Variants in ZNF100 observed in about 807,000 individuals in gnomAD.
ZNF100 encodes the protein zinc finger protein 100 (Y1).
A neutral mutation model predicts 15.8 loss-of-function variants in ZNF100; 12 were observed. That is an observed-to-expected ratio of 0.76 (90% CI 0.49 to 1.23). The LOEUF (loss-of-function observed/expected upper bound fraction) is 1.23. Among genes scored for constraint, ZNF100 ranks in the 50% most tolerant of loss-of-function variants. ZNF100 has a pLI of 0.00. For synonymous variants in ZNF100, 226 were observed against 214.8 expected (o/e 1.05, Z -0.45); for missense variants, 670 against 635.6 (o/e 1.05, Z -0.58).
At chr19:21,730,658 A>C (rs1019635258) in intron 4 of ZNF100, among the ~76,000 whole-genome samples, 3 of 146,402 alleles carry the variant, frequency 2.0e-5, no homozygotes, top group African/African-American at 7.5e-5. Flanking sequence ...ATTATTTCTA[A>C]CAGAGGTATA....
chr19:21,745,033 A>C lies in ZNF100; in HGVS notation c.131T>G (p.Phe44Cys). 1 of 1,613,222 alleles carries C rather than the reference A, an allele frequency of 6.2e-7. No individual in the cohort carries two copies. Among genetic ancestry groups the C allele is most frequent in the Non-Finnish European group, 8.5e-7 (1 of 1,179,868 alleles). The change falls in exon 3 of 5, where the codon TTC becomes TGC. Residue 44 changes from phenylalanine to cysteine, a missense_variant. Physicochemically the swap from Phe to Cys is radical, Grantham distance 205. Coordinates refer to ENST00000358296, the MANE Select transcript of ZNF100 (RefSeq NM_173531.4). Reference protein sequence around the residue: ...PLTFRDVAIEFSLEEWQCLDS... With the variant: ...PLTFRDVAIECSLEEWQCLDS... ...CAGGCATTGCCACTCCTCCAGAGAG[A>C]ATTCTATGGCCACATCCCTAAACGT...
At chr19:21,731,059 A>G (rs1318905484) in intron 4 of ZNF100, among the ~76,000 whole-genome samples, 1 of 150,598 alleles carries the variant, frequency 6.6e-6, no homozygotes, top group Non-Finnish European at 1.5e-5. Context: ...AAAGTACCCA[A>G]GAGTCTTCAA....
intron 2 of ZNF100, among the ~76,000 whole-genome samples, chr19:21,749,280 G>A (rs1420336072): frequency 3.4e-5 from 5 of 148,822 alleles, no homozygotes; most frequent in African/African-American, 1.3e-4. Flanking sequence ...TCTCTTGTAT[G>A]AGTATGAAGG....
At chr19:21,763,593 G>A (rs1360337706) in intron 2 of ZNF100, among the ~76,000 whole-genome samples, 2 of 152,036 alleles carry the variant, frequency 1.3e-5, no homozygotes, top group South Asian at 2.1e-4. Context: ...CATCCCGGGG[G>A]GAAAAAAATC....
chr19:21,751,503 C>A, intron 2 of ZNF100: 2 of 1,057,828 alleles, frequency 1.9e-6, no homozygotes, highest in Non-Finnish European at 3.0e-6. Context: ...AGGCTTTTAA[C>A]TTATGCTGAA....
At chr19:21,741,731 A>C (rs1486548127) in intron 4 of ZNF100, among the ~76,000 whole-genome samples, 1 of 151,820 alleles carries the variant, frequency 6.6e-6, no homozygotes, top group Admixed American at 6.6e-5. Context: ...GCTGGAGTGC[A>C]GTGGCACAAT....
rs781128295 is a variant in ZNF100, at chr19:21,745,021, T to C, written c.143A>G (p.Glu48Gly). The C allele has an allele frequency of 2.7e-5, 44 of 1,612,978 alleles. No homozygotes were observed. The highest frequency in any genetic ancestry group is 3.6e-5 in the Non-Finnish European group (42 of 1,179,858). Residue 48 changes from glutamate to glycine, a missense_variant, in exon 3 of 5, where the codon GAG (glutamate) becomes GGG (glycine). By Grantham distance (98) the Glu-to-Gly change is moderately conservative. Transcript: ENST00000358296. ...RDVAIEFSLE[E>G]WQCLDSAQQG... is the part of the protein sequence containing the mutation. ...CTGAGCACTGTCCAGGCATTGCCAC[T>C]CCTCCAGAGAGAATTCTATGGCCAC...
chr19:21,727,150 G>A lies in ZNF100; in HGVS notation c.1162C>T (p.Leu388Phe), dbSNP rs1041071755. Residue 388 changes from leucine to phenylalanine, a missense_variant, in exon 5 of 5, where the codon CTT becomes TTT. Coordinates refer to ENST00000358296, the MANE Select transcript of ZNF100 (RefSeq NM_173531.4). ...GTATGACTTGTCTTATGTTTAGTAA[G>A]GTATGAGAATCGGTAAAAAGCTTTG... is the stretch of plus-strand genomic sequence containing the variant. ...CGKAFYRFSY[L>F]TKHKTSHTGE... The A allele has an allele frequency of 6.2e-7, 1 of 1,611,772 alleles. No homozygotes were observed. Among genetic ancestry groups the A allele is most frequent in the Non-Finnish European group, 8.5e-7 (1 of 1,178,348 alleles).
At chr19:21,744,152 T>C in intron 3 of ZNF100, 37 bp from the exon 4 acceptor site, 1 of 1,556,608 alleles carries the variant, frequency 6.4e-7, no homozygotes, top group Non-Finnish European at 8.7e-7. Context: ...CTTTCTCATA[T>C]TCTCCAATTA....
chr19:21,765,777 T>A lies in ZNF100; in HGVS notation c.13A>T (p.Arg5Trp), dbSNP rs768166189. Reference sequence around the variant, plus strand: ...CCCTTGAGAGGACACATTCCATACCTCGGGTCATCCTACGGGAGAAAATAA... The same window carrying A: ...CCCTTGAGAGGACACATTCCATACCACGGGTCATCCTACGGGAGAAAATAA... MDDP[R>W]YGMCPLKGAS... Residue 5 changes from arginine (R) to tryptophan (W), a missense_variant, in exon 2 of 5, where the codon AGG (arginine) becomes TGG (tryptophan). Arg to Trp is a moderately radical substitution (Grantham distance 101, BLOSUM62 -3). Transcript: ENST00000358296. The A allele has an allele frequency of 1.2e-6, 2 of 1,614,020 alleles. No individual in the cohort carries two copies. The highest frequency in any genetic ancestry group is 1.1e-5 in the South Asian group (1 of 91,070).
At chr19:21,751,500 T>G (rs1383401883) in intron 2 of ZNF100, 2 of 1,045,778 alleles carry the variant, frequency 1.9e-6, no homozygotes, top group Non-Finnish European at 3.0e-6. Flanking sequence ...GAAAGGCTTT[T>G]AACTTATGCT....
At chr19:21,729,083 C>T (rs796404312) in intron 4 of ZNF100, among the ~76,000 whole-genome samples, 1 of 150,906 alleles carries the variant, frequency 6.6e-6, no homozygotes, top group Non-Finnish European at 1.5e-5. Flanking sequence ...TCAAAAGTCA[C>T]AGACAAGAGA....
rs776015422 is a variant in ZNF100 at position 21,727,880 on chromosome 19, CTG to C, written c.430_431del (p.Gln144ValfsTer6). 3.1e-6 allele frequency: 5 copies of C among 1,609,192 alleles called. No individual in the cohort carries two copies. The highest frequency in any genetic ancestry group is 4.2e-6 in the Non-Finnish European group (5 of 1,178,580). On this transcript the variant is annotated frameshift_variant, in exon 5 of 5. Coordinates refer to ENST00000358296, the MANE Select transcript of ZNF100 (RefSeq NM_173531.4). LOFTEE classifies it low-confidence loss of function (END_TRUNC). ...CCACACTTTTACAGCCTTTTTGTAA[CTG>C]TAAATTGTCATGTCCATATTTTCCA... Reference protein sequence around the residue: ...KYGKYGHDNLQLQKGCKSVDE... With the variant: ...KYGKYGHDNLXLQKGCKSVDE...
chr19:21,726,235 G>T lies in ZNF100; in HGVS notation c.*448C>A, dbSNP rs1324306492. 6.3e-6 allele frequency: 1 copy of T among 158,810 alleles called. No homozygotes were observed. The highest frequency in any genetic ancestry group is 6.1e-5 in the Admixed American group (1 of 16,452). The allele number at this position is 158,810 out of a possible 1,614,324, so 9.8% of individuals were successfully genotyped here. A position where few individuals can be genotyped will look rare whatever the true frequency, so the allele number is the denominator to read the frequency against. On this transcript the variant is annotated 3_prime_UTR_variant, in exon 5 of 5. Coordinates refer to ENST00000358296, the MANE Select transcript of ZNF100 (RefSeq NM_173531.4). The stretch of plus-strand genomic sequence containing the variant: ...TTGAGTATGAACTCTCTGATGTTGA[G>T]TAAGATGTGAGCATGTATTAATGGC...
chr19:21,751,664 C>A, intron 2 of ZNF100: 1 of 1,342,450 alleles, frequency 7.4e-7, no homozygotes. Flanking sequence ...AATGGAAAGG[C>A]ATTTTTCGGA....
At chr19:21,728,423 G>A (rs1271145485) in intron 4 of ZNF100, among the ~76,000 whole-genome samples, 5 of 151,982 alleles carry the variant, frequency 3.3e-5, no homozygotes, top group Admixed American at 6.6e-5. Context: ...TGAAAGAAAC[G>A]GTGGTATACT....
intron 2 of ZNF100, chr19:21,753,490 G>A (rs2036343542): frequency 1.3e-5 from 2 of 152,240 alleles, no homozygotes; most frequent in Admixed American, 6.6e-5. Context: ...GGCTGAGGTG[G>A]GAGGATCACT....
At position 21,727,230 on chromosome 19, in the gene ZNF100, G is replaced by C. The variant is rs2035815256; in HGVS notation, c.1082C>G (p.Thr361Ser). The change falls in exon 5 of 5, where the codon ACT (threonine) becomes AGT (serine). Residue 361 changes from threonine (T) to serine (S), a missense_variant. Coordinates refer to ENST00000358296, the MANE Select transcript of ZNF100 (RefSeq NM_173531.4). ...TCCAGCATGAGTTATCTTATGTGTAGTAAGGGTTGAGGACTGGTTAAAGGC... is the reference window on the plus strand; with the variant it reads ...TCCAGCATGAGTTATCTTATGTGTACTAAGGGTTGAGGACTGGTTAAAGGC... ...GKAFNQSSTL[T>S]THKITHAGEK... The C allele has an allele frequency of 6.2e-7, 1 of 1,613,686 alleles. No homozygotes were observed. Among genetic ancestry groups the C allele is most frequent in the East Asian group, 2.2e-5 (1 of 44,858 alleles).
rs1473998792 is a variant in ZNF100, at chr19:21,725,973, A to G, written c.*710T>C. On this transcript the variant is annotated 3_prime_UTR_variant, in exon 5 of 5. Transcript: ENST00000358296. ...TCTAAGCTGTAGTTTTTGAAAAAGT[A>G]TTTTTCCAACTTTATTACATTCGCA... 7.1e-6 allele frequency: 1 copy of G among 141,090 alleles called. No individual in the cohort carries two copies. The highest frequency in any genetic ancestry group is 2.5e-5 in the African/African-American group (1 of 39,474). The allele number at this position is 141,090 out of a possible 1,614,324, so 8.7% of individuals were successfully genotyped here.
Sources: gnomAD v4.1 joint callset for allele counts (sites outside exome capture counted in the v4.1 genomes callset) on GRCh38, gnomAD v4.1.1 for gene constraint, MANE v1.5 for transcripts, NCBI Gene and HGNC (gene_info 2026-07-23, HGNC 2026-07-21) for gene names.